Variants in WIPI2 observed in about 807,000 individuals in gnomAD.
WIPI2 encodes the protein WD repeat domain phosphoinositide-interacting protein 2.
WIPI2 carries 28 observed loss-of-function variants against 52.3 expected under a neutral mutation model. The observed-to-expected ratio is 0.54, with a 90% confidence interval of 0.40 to 0.73. The LOEUF (loss-of-function observed/expected upper bound fraction) is 0.73. Among genes scored for constraint, WIPI2 ranks in the 30% least tolerant of loss-of-function variants. The pLI, the probability that WIPI2 is intolerant of heterozygous loss-of-function variation, is 0.00. For synonymous variants in WIPI2, 268 were observed against 245.0 expected (o/e 1.09, Z -0.88); for missense variants, 506 against 602.9 (o/e 0.84, Z 1.68).
intron 7 of WIPI2, 100 bp from the exon 8 acceptor site, chr7:5,222,502 C>T: frequency 2.4e-6 from 3 of 1,265,906 alleles, no homozygotes; most frequent in Non-Finnish European, 3.5e-6. Flanking sequence ...CAGAGCTGTC[C>T]TGGAGATAGC....
At chr7:5,210,940 CAT>C (rs1443958047) in intron 3 of WIPI2, among the ~76,000 whole-genome samples, 2 of 152,192 alleles carry the variant, frequency 1.3e-5, no homozygotes, top group South Asian at 2.1e-4. Context: ...TCAGCCCACA[CAT>C]GTGCTTTCTC....
intron 3 of WIPI2, among the ~76,000 whole-genome samples, chr7:5,208,288 T>C (rs1401382793): frequency 6.6e-6 from 1 of 152,210 alleles, no homozygotes; most frequent in African/African-American, 2.4e-5. Flanking sequence ...ATAGAGTTGT[T>C]AGAGCTCTTT....
At chr7:5,225,755 C>T (rs920702502) in intron 8 of WIPI2, 68 bp from the exon 9 acceptor site, 4 of 1,154,192 alleles carry the variant, frequency 3.5e-6, no homozygotes, top group Non-Finnish European at 5.1e-6. Flanking sequence ...TCTTCTCCGC[C>T]ACTTGAGTTG....
intron 3 of WIPI2, among the ~76,000 whole-genome samples, chr7:5,207,908 G>C (rs1782370837): frequency 6.6e-6 from 1 of 151,550 alleles, no homozygotes; most frequent in Non-Finnish European, 1.5e-5. Context: ...TGGGATTACA[G>C]GTGTGCACCA....
intron 5 of WIPI2, chr7:5,216,872 T>C (rs1698585263): frequency 4.3e-6 from 3 of 692,240 alleles, no homozygotes; most frequent in Admixed American, 2.9e-5. Flanking sequence ...AGGTTACTGA[T>C]CAGTTCAAAC....
At chr7:5,228,593 C>G (rs1043209409) in intron 11 of WIPI2, among the ~76,000 whole-genome samples, 2 of 152,210 alleles carry the variant, frequency 1.3e-5, no homozygotes, top group Middle Eastern at 3.2e-3. Context: ...ATTCAGTGCA[C>G]GTGGCTGAGA....
intron 1 of WIPI2, 144 bp from the exon 2 acceptor site, chr7:5,192,974 C>A: frequency 1.4e-6 from 1 of 714,790 alleles, no homozygotes; most frequent in Non-Finnish European, 2.3e-6. Context: ...TTGTTACATA[C>A]CAAACTATAA....
intron 3 of WIPI2, among the ~76,000 whole-genome samples, chr7:5,200,698 TCTC>T (rs972240835): frequency 1.4e-4 from 21 of 152,268 alleles, no homozygotes; most frequent in African/African-American, 4.8e-4. Flanking sequence ...ATTATGGTGT[TCTC>T]CTGGCCCGCC....
chr7:5,228,420 G>T (rs1783552948), intron 11 of WIPI2, among the ~76,000 whole-genome samples: 2 of 152,268 alleles, frequency 1.3e-5, no homozygotes, highest in Admixed American at 6.5e-5. Context: ...GCTGCGGCTG[G>T]TGGCGTCAGG....
intron 2 of WIPI2, among the ~76,000 whole-genome samples, chr7:5,195,599 T>C (rs1216202003): frequency 6.6e-6 from 1 of 152,268 alleles, no homozygotes; most frequent in East Asian, 1.9e-4. Context: ...TACCTGTTGC[T>C]CTGCCTTTCC....
chr7:5,190,520 C>A, intron 1 of WIPI2, 27 bp downstream of exon 1: 1 of 1,476,896 alleles, frequency 6.8e-7, no homozygotes, highest in Admixed American at 2.3e-5. Context: ...GGGTCGGAGT[C>A]GGGGTGAGGC....
chr7:5,231,297 C>T lies in WIPI2; in HGVS notation c.*350C>T, dbSNP rs1011026225. 6 of 200,822 alleles carry T rather than the reference C, an allele frequency of 3.0e-5. No homozygotes were observed. Among genetic ancestry groups the T allele is most frequent in the Non-Finnish European group, 6.1e-5 (6 of 99,126 alleles). The allele number at this position is 200,822 out of a possible 1,614,324, so 12.4% of individuals were successfully genotyped here. A position where few individuals can be genotyped will look rare whatever the true frequency, so the allele number is the denominator to read the frequency against. On this transcript the variant is annotated 3_prime_UTR_variant, in exon 13 of 13. Coordinates refer to ENST00000288828, the MANE Select transcript of WIPI2 (RefSeq NM_015610.4). The stretch of plus-strand genomic sequence containing the variant: ...TAGAAGCCACTTTCCAGCCACCTGC[C>T]GTTGGGTTTTTTCATATCTGTACAT...
chr7:5,211,162 G>T (rs571568336), intron 3 of WIPI2, among the ~76,000 whole-genome samples: 10 of 152,328 alleles, frequency 6.6e-5, no homozygotes, highest in African/African-American at 1.2e-4. Context: ...AGGAACATGT[G>T]CATCATGTGA....
intron 3 of WIPI2, among the ~76,000 whole-genome samples, chr7:5,209,651 TC>T (rs1302599108): frequency 6.6e-6 from 1 of 152,182 alleles, no homozygotes; most frequent in Admixed American, 6.5e-5. Context: ...ATCTCCCACC[TC>T]CATCCCATCA....
At chr7:5,229,877 G>T in intron 12 of WIPI2, 139 bp downstream of exon 12, 1 of 1,226,822 alleles carries the variant, frequency 8.2e-7, no homozygotes, top group Non-Finnish European at 1.1e-6. Flanking sequence ...AAGCGAGGTT[G>T]GTAAATGGGT....
chr7:5,224,952 A>T (rs1239547884), intron 8 of WIPI2, among the ~76,000 whole-genome samples: 1 of 152,136 alleles, frequency 6.6e-6, no homozygotes, highest in Non-Finnish European at 1.5e-5. Flanking sequence ...AGGCGAGAAC[A>T]TTCCTAATTC....
intron 4 of WIPI2, among the ~76,000 whole-genome samples, chr7:5,215,672 G>T (rs368369482): frequency 6.6e-6 from 1 of 152,256 alleles, no homozygotes; most frequent in South Asian, 2.1e-4. Context: ...CTTGCCTTAC[G>T]CAGTTGAAAC....
Position 5,219,526 on chromosome 7 carries a change from A to G in WIPI2, c.669+1512A>G, listed in dbSNP as rs543875446. On this transcript the variant is annotated intron_variant, in intron 7 of 12. Transcript: ENST00000288828. ...GGAATGCTCTCATCTGTGGAGTGAGAGCAGCAAGGCCTTCCCAGCCCCGCT... is the reference window on the plus strand; with the variant it reads ...GGAATGCTCTCATCTGTGGAGTGAGGGCAGCAAGGCCTTCCCAGCCCCGCT... Among the ~76,000 whole-genome samples the G allele has an allele frequency of 4.6e-5, 7 of 152,224 alleles. No homozygotes were observed. The East Asian group carries it at 1.4e-3, about 29-fold the overall frequency.
At chr7:5,205,518 A>T (rs1782250501) in intron 3 of WIPI2, among the ~76,000 whole-genome samples, 1 of 152,146 alleles carries the variant, frequency 6.6e-6, no homozygotes, top group Non-Finnish European at 1.5e-5. Flanking sequence ...GTTGGCCGTC[A>T]CACTTAGTTT....
Sources: gnomAD v4.1 joint callset for allele counts (sites outside exome capture counted in the v4.1 genomes callset) on GRCh38, gnomAD v4.1.1 for gene constraint, MANE v1.5 for transcripts, NCBI Gene and HGNC (gene_info 2026-07-23, HGNC 2026-07-21) for gene names.